NUTF2: variants seen among roughly 807,000 people sequenced by gnomAD.
The protein encoded by NUTF2 is placental protein 15.
In NUTF2, 3 loss-of-function variants were observed where a neutral mutation model predicts 18.5. That is an observed-to-expected ratio of 0.16 (90% CI 0.07 to 0.42). NUTF2 has a LOEUF of 0.42. NUTF2 is among the 10% of genes least tolerant of loss of function. The pLI, the probability that NUTF2 is intolerant of heterozygous loss-of-function variation, is 0.99. For missense variants in NUTF2, 44 were observed against 160.7 expected (o/e 0.27, Z 3.93); for synonymous variants, 51 against 57.9 (o/e 0.88, Z 0.54).
intron 1 of NUTF2, among the ~76,000 whole-genome samples, chr16:67,855,643 C>T (rs919171356): frequency 6.6e-6 from 1 of 152,104 alleles, no homozygotes; most frequent in Non-Finnish European, 1.5e-5. Flanking sequence ...GTGGGTCTCC[C>T]GAGGGCAGAA....
At chr16:67,850,110 G>A (rs1427400581) in intron 1 of NUTF2, among the ~76,000 whole-genome samples, 1 of 151,884 alleles carries the variant, frequency 6.6e-6, no homozygotes, top group Non-Finnish European at 1.5e-5. Context: ...TTTTCTTCAG[G>A]GACAAAAAGA....
intron 1 of NUTF2, among the ~76,000 whole-genome samples, chr16:67,856,358 A>T (rs911969580): frequency 6.6e-6 from 1 of 151,702 alleles, no homozygotes; most frequent in African/African-American, 2.4e-5. Context: ...CGCCTGGCAA[A>T]TTTTTATATT....
At chr16:67,864,164 G>A (rs1466486200) in intron 1 of NUTF2, among the ~76,000 whole-genome samples, 1 of 152,150 alleles carries the variant, frequency 6.6e-6, no homozygotes, top group Non-Finnish European at 1.5e-5. Context: ...ACCTGGCCTC[G>A]GGGAAGTAAA....
chr16:67,850,615 T>A (rs1305821522), intron 1 of NUTF2, among the ~76,000 whole-genome samples: 2 of 152,184 alleles, frequency 1.3e-5, no homozygotes, highest in Non-Finnish European at 2.9e-5. Context: ...GTCTCAGATA[T>A]AAGAGAAGTG....
chr16:67,848,261 T>C (rs1598155128), intron 1 of NUTF2, among the ~76,000 whole-genome samples: 1 of 152,304 alleles, frequency 6.6e-6, no homozygotes, highest in South Asian at 2.1e-4. Context: ...CGTTGATTTC[T>C]CTGAGCCGCA....
intron 1 of NUTF2, among the ~76,000 whole-genome samples, chr16:67,848,714 C>T (rs1441568944): frequency 6.6e-6 from 1 of 151,552 alleles, no homozygotes; most frequent in Admixed American, 6.6e-5. Flanking sequence ...TGCACTCCAG[C>T]CTGGGCGACA....
chr16:67,870,400 G>C, intron 4 of NUTF2: 1 of 183,182 alleles, frequency 5.5e-6, no homozygotes, highest in Non-Finnish European at 1.1e-5. Context: ...GTGAACCTAT[G>C]TTTTCAAGAT....
chr16:67,850,425 C>T (rs2057845253), intron 1 of NUTF2, among the ~76,000 whole-genome samples: 1 of 152,022 alleles, frequency 6.6e-6, no homozygotes, highest in Non-Finnish European at 1.5e-5. Flanking sequence ...CCAGGATGGT[C>T]TCGATCTCCT....
intron 1 of NUTF2, among the ~76,000 whole-genome samples, chr16:67,863,840 G>A (rs1300529087): frequency 1.1e-4 from 17 of 152,202 alleles, no homozygotes; most frequent in Admixed American, 1.1e-3. Flanking sequence ...CTACTTGGAA[G>A]CAGCCTAGCA....
chr16:67,871,629 C>T lies in NUTF2; in HGVS notation c.*716C>T, dbSNP rs148554212. On this transcript the variant is annotated 3_prime_UTR_variant, in exon 5 of 5. Coordinates refer to ENST00000219169, the MANE Select transcript of NUTF2 (RefSeq NM_005796.3). ...ACTTCTGCTCTGGGTAGGTTCAGGGCCCTAGTAGCAGGAGAGATGATCCTG... is the reference window on the plus strand; with the variant it reads ...ACTTCTGCTCTGGGTAGGTTCAGGGTCCTAGTAGCAGGAGAGATGATCCTG... 2 of 152,348 alleles carry T rather than the reference C, an allele frequency of 1.3e-5. No individual in the cohort carries two copies. Among genetic ancestry groups the T allele is most frequent in the African/African-American group, 4.8e-5 (2 of 41,558 alleles). 9.4% of individuals were successfully genotyped at this position (152,348 alleles called of 1,614,324 possible). A position where few individuals can be genotyped will look rare whatever the true frequency, so the allele number is the denominator to read the frequency against.
chr16:67,866,065 C>T (rs2057969075), intron 2 of NUTF2, among the ~76,000 whole-genome samples: 1 of 152,060 alleles, frequency 6.6e-6, no homozygotes, highest in Non-Finnish European at 1.5e-5. Context: ...ACTAATTGTA[C>T]TTGACTCTGC....
chr16:67,860,695 T>C (rs533092069), intron 1 of NUTF2, among the ~76,000 whole-genome samples: 1 of 152,208 alleles, frequency 6.6e-6, no homozygotes, highest in Admixed American at 6.5e-5. Context: ...TAGCCACGAC[T>C]GGTACCAATT....
intron 1 of NUTF2, among the ~76,000 whole-genome samples, chr16:67,859,978 T>G (rs78549924): frequency 0.053 from 7,960 of 149,338 alleles, 639 homozygotes; most frequent in African/African-American, 0.18. Flanking sequence ...ATTTTATTAT[T>G]TTTTTTTTTC....
At chr16:67,856,162 C>T in intron 1 of NUTF2, 1 of 367,914 alleles carries the variant, frequency 2.7e-6, no homozygotes, top group Non-Finnish European at 5.1e-6. Flanking sequence ...TCCACATTGG[C>T]TCTCAGCTGT....
At chr16:67,847,611 T>C (rs1197911871) in intron 1 of NUTF2, 1 of 152,452 alleles carries the variant, frequency 6.6e-6, no homozygotes, top group African/African-American at 2.4e-5. Context: ...ACTGGAGTTC[T>C]CGCAGGGAGG....
At position 67,870,792 on chromosome 16, in the gene NUTF2, C is replaced by A; in HGVS notation, c.271-8C>A. 1.2e-6 allele frequency: 2 copies of A among 1,604,136 alleles called. No homozygotes were observed. Among genetic ancestry groups the A allele is most frequent in the Non-Finnish European group, 1.7e-6 (2 of 1,171,034 alleles). The stretch of plus-strand genomic sequence containing the variant: ...CCCCTTACTGAATCCTCTTTTCTCT[C>A]CTCATAGGCGGATGAAGACCCCATC... On this transcript the variant is annotated splice_polypyrimidine_tract_variant and splice_region_variant and intron_variant, in intron 4 of 4. Transcript: ENST00000219169.
chr16:67,860,785 T>G (rs1214434205), intron 1 of NUTF2, among the ~76,000 whole-genome samples: 1 of 152,238 alleles, frequency 6.6e-6, no homozygotes, highest in African/African-American at 2.4e-5. Context: ...TCTTTCTGTG[T>G]GCCAGTCTGG....
intron 1 of NUTF2, among the ~76,000 whole-genome samples, chr16:67,850,029 C>T (rs1221769568): frequency 6.6e-6 from 1 of 151,628 alleles, no homozygotes; most frequent in African/African-American, 2.4e-5. Flanking sequence ...TGAGTTCAAG[C>T]GATACTCCCA....
intron 1 of NUTF2, among the ~76,000 whole-genome samples, chr16:67,848,568 G>A (rs1235975714): frequency 2.6e-5 from 4 of 151,944 alleles, no homozygotes; most frequent in East Asian, 3.9e-4. Context: ...GGGTGACAGG[G>A]CAAGACTCTG....
Sources: gnomAD v4.1 joint callset for allele counts (sites outside exome capture counted in the v4.1 genomes callset) on GRCh38, gnomAD v4.1.1 for gene constraint, MANE v1.5 for transcripts, NCBI Gene and HGNC (gene_info 2026-07-23, HGNC 2026-07-21) for gene names.